The following SLC24A3 variants were observed in gnomAD, a reference collection of about 807,000 sequenced individuals.
SLC24A3 encodes solute carrier family 24 member 3.
Under a neutral mutation model 75.8 loss-of-function variants are expected in SLC24A3, and 28 were observed. The ratio of observed to expected loss-of-function variants is 0.37; its 90% confidence interval spans 0.27 to 0.51. SLC24A3 has a LOEUF of 0.51. SLC24A3 is among the 20% of genes least tolerant of loss of function. SLC24A3 has a pLI of 0.94. For missense variants in SLC24A3, 663 were observed against 847.8 expected (o/e 0.78, Z 2.71); for synonymous variants, 372 against 334.1 (o/e 1.11, Z -1.24).
intron 3 of SLC24A3, among the ~76,000 whole-genome samples, 163 bp from the exon 4 acceptor site, chr20:19,579,837 G>C (rs1180655472): frequency 6.6e-6 from 1 of 152,214 alleles, no homozygotes; most frequent in East Asian, 1.9e-4. Flanking sequence ...AGAAAGCTGG[G>C]ACCAGGTCAC....
At chr20:19,315,715 A>G (rs1339802467) in intron 2 of SLC24A3, among the ~76,000 whole-genome samples, 1 of 152,182 alleles carries the variant, frequency 6.6e-6, no homozygotes, top group Non-Finnish European at 1.5e-5. Context: ...TTCTGGTAGG[A>G]GGGTCATCAC....
intron 2 of SLC24A3, among the ~76,000 whole-genome samples, chr20:19,441,104 G>A (rs1987291537): frequency 6.6e-6 from 1 of 152,168 alleles, no homozygotes; most frequent in African/African-American, 2.4e-5. Context: ...AACCAAGCTG[G>A]AAGCCTTTAG....
chr20:19,426,164 T>C (rs1987002521), intron 2 of SLC24A3, among the ~76,000 whole-genome samples: 1 of 152,334 alleles, frequency 6.6e-6, no homozygotes, highest in East Asian at 1.9e-4. Context: ...AGATTCTTCC[T>C]CACTTCCTCC....
At chr20:19,310,851 A>G (rs1984440156) in intron 2 of SLC24A3, among the ~76,000 whole-genome samples, 1 of 152,222 alleles carries the variant, frequency 6.6e-6, no homozygotes. Context: ...AGGTCTAAAG[A>G]CAAGCTCCAA....
chr20:19,633,941 G>A (rs893476729), intron 6 of SLC24A3, among the ~76,000 whole-genome samples: 1 of 152,094 alleles, frequency 6.6e-6, no homozygotes, highest in African/African-American at 2.4e-5. Context: ...AAATGCTGCT[G>A]CTGTTACTGT....
intron 1 of SLC24A3, among the ~76,000 whole-genome samples, chr20:19,256,760 C>T (rs942971429): frequency 8.3e-6 from 1 of 120,262 alleles, no homozygotes; most frequent in East Asian, 2.7e-4. Flanking sequence ...CAGAGCAAGA[C>T]GTTGTCTCAA....
chr20:19,701,426 T>C (rs1321342), intron 15 of SLC24A3, among the ~76,000 whole-genome samples: 128,804 of 152,056 alleles, frequency 0.85, 54,853 homozygotes, highest in East Asian at 0.96. Flanking sequence ...AGGGTGGAGA[T>C]GGGAGATTAC....
At chr20:19,537,262 A>T (rs1347521814) in intron 3 of SLC24A3, among the ~76,000 whole-genome samples, 1 of 152,260 alleles carries the variant, frequency 6.6e-6, no homozygotes, top group Non-Finnish European at 1.5e-5. Context: ...TGCAGCCAAA[A>T]AACACATGAA....
chr20:19,718,001 ACTCT>A (rs1380622527), intron 16 of SLC24A3, among the ~76,000 whole-genome samples: 1 of 151,974 alleles, frequency 6.6e-6, no homozygotes, highest in Non-Finnish European at 1.5e-5. Flanking sequence ...AGGCCATTCC[ACTCT>A]CTCAGCCATT....
chr20:19,474,413 G>A (rs1987927438), intron 2 of SLC24A3, among the ~76,000 whole-genome samples: 1 of 152,090 alleles, frequency 6.6e-6, no homozygotes, highest in Non-Finnish European at 1.5e-5. Context: ...TAAAAATTCA[G>A]AACTGTTAAG....
chr20:19,272,078 G>A (rs1983345859), intron 1 of SLC24A3, among the ~76,000 whole-genome samples: 1 of 152,344 alleles, frequency 6.6e-6, no homozygotes, highest in African/African-American at 2.4e-5. Context: ...AGGGGCTTAG[G>A]CCCCTCTCCC....
chr20:19,653,985 G>A, intron 6 of SLC24A3, 77 bp from the exon 7 acceptor site: 1 of 1,281,184 alleles, frequency 7.8e-7, no homozygotes, highest in South Asian at 1.3e-5. Context: ...ACAGGAAGCT[G>A]GCTAAACCTG....
intron 2 of SLC24A3, among the ~76,000 whole-genome samples, chr20:19,375,379 G>C (rs1014552229): frequency 6.6e-6 from 1 of 152,080 alleles, no homozygotes; most frequent in Non-Finnish European, 1.5e-5. Flanking sequence ...AAACTCACTG[G>C]CCCTCCCTTA....
intron 15 of SLC24A3, among the ~76,000 whole-genome samples, chr20:19,709,133 G>A (rs1409150209): frequency 6.6e-6 from 1 of 152,200 alleles, no homozygotes; most frequent in Non-Finnish European, 1.5e-5. Context: ...GGGAAACAGA[G>A]GACAGCCTCT....
intron 7 of SLC24A3, among the ~76,000 whole-genome samples, chr20:19,658,045 T>G (rs1382468977): frequency 6.6e-6 from 1 of 152,170 alleles, no homozygotes; most frequent in African/African-American, 2.4e-5. Flanking sequence ...GGCGTGTAAC[T>G]GTCGGTGTCC....
At chr20:19,478,494 G>A (rs577716382) in intron 2 of SLC24A3, among the ~76,000 whole-genome samples, 88 of 152,222 alleles carry the variant, frequency 5.8e-4, no homozygotes, top group African/African-American at 2.0e-3. Context: ...CTCAAAGACA[G>A]TTTTTAAAAG....
intron 1 of SLC24A3, among the ~76,000 whole-genome samples, chr20:19,236,468 C>A (rs1261990017): frequency 6.6e-6 from 1 of 152,162 alleles, no homozygotes; most frequent in Non-Finnish European, 1.5e-5. Context: ...AAAAAATAAG[C>A]AGGCTTGTCA....
chr20:19,431,458 T>C (rs736875), intron 2 of SLC24A3, among the ~76,000 whole-genome samples: 13,511 of 152,016 alleles, frequency 0.089, 1,769 homozygotes, highest in African/African-American at 0.29. Flanking sequence ...TCCTTGGTGT[T>C]CCTGCTGTGC....
chr20:19,335,452 A>C (rs763291798), intron 2 of SLC24A3, among the ~76,000 whole-genome samples: 12 of 152,236 alleles, frequency 7.9e-5, no homozygotes, highest in Non-Finnish European at 1.3e-4. Flanking sequence ...CTAGCTCTGC[A>C]CACAGAGAAC....
Sources: gnomAD v4.1 joint callset for allele counts (sites outside exome capture counted in the v4.1 genomes callset) on GRCh38, gnomAD v4.1.1 for gene constraint, MANE v1.5 for transcripts, NCBI Gene and HGNC (gene_info 2026-07-23, HGNC 2026-07-21) for gene names.